The following GARNL3 variants were observed in gnomAD, a reference collection of about 807,000 sequenced individuals.
GARNL3 encodes GTPase activating Rap/RanGAP domain like 3.
Under a neutral mutation model 125.0 loss-of-function variants are expected in GARNL3, and 63 were observed. The observed-to-expected ratio is 0.50, with a 90% CI of 0.41 to 0.62. GARNL3 has a LOEUF of 0.62. Ranked by LOEUF, GARNL3 falls within the 20% of genes least tolerant of loss-of-function variation. GARNL3 has a pLI of 0.00. For synonymous variants in GARNL3, 439 were observed against 457.5 expected, an observed-to-expected ratio of 0.96 and a Z score of 0.52; for missense variants, 994 against 1,244.0, an observed-to-expected ratio of 0.80 and a Z score of 3.02.
intron 17 of GARNL3, among the ~76,000 whole-genome samples, chr9:127,352,235 A>G (rs1487228078): frequency 6.6e-6 from 1 of 152,192 alleles, no homozygotes; most frequent in East Asian, 1.9e-4. Flanking sequence ...GTGACCTCAG[A>G]CAAGTATTAA....
intron 14 of GARNL3, among the ~76,000 whole-genome samples, chr9:127,343,176 G>A (rs1185044754): frequency 1.3e-5 from 2 of 152,070 alleles, no homozygotes; most frequent in Non-Finnish European, 2.9e-5. Context: ...TGGGATTACT[G>A]TCATGAGTCA....
intron 21 of GARNL3, among the ~76,000 whole-genome samples, chr9:127,358,725 T>C (rs1442434458): frequency 1.3e-5 from 2 of 152,206 alleles, no homozygotes; most frequent in African/African-American, 4.8e-5. Flanking sequence ...TTGTCTGCAA[T>C]TGGAGTCATC....
In GARNL3 at chr9:127,264,961, G is replaced by T; in HGVS notation, c.84G>T (p.Ser28=). ...AGCATTTTTGTTCCAGCTCTGTCTC[G>T]GAAGACCTAGGCTGTAGACGTGGGG... is the stretch of plus-strand genomic sequence containing the variant. The part of the protein sequence containing the change: ...LMKHFCSSSV[S]EDLGCRRGDF... Residue 28 remains serine (S), a synonymous_variant, in exon 1 of 28, where the codon TCG becomes TCT. Transcript: ENST00000373387. The T allele has an allele frequency of 6.2e-7, 1 of 1,612,972 alleles. No individual in the cohort carries two copies. Among genetic ancestry groups the T allele is most frequent in the Non-Finnish European group, 8.5e-7 (1 of 1,179,402 alleles).
At chr9:127,338,279 C>A in intron 12 of GARNL3, 118 bp downstream of exon 12, 3 of 825,174 alleles carry the variant, frequency 3.6e-6, no homozygotes, top group Non-Finnish European at 6.1e-6. Context: ...TGAGTGCCTG[C>A]ACCTTACAAA....
At chr9:127,309,377 A>G (rs1215223404) in intron 2 of GARNL3, among the ~76,000 whole-genome samples, 1 of 152,222 alleles carries the variant, frequency 6.6e-6, no homozygotes, top group East Asian at 1.9e-4. Context: ...GAGATAATGC[A>G]TATAAAATGC....
chr9:127,290,862 G>A (rs1017687125), intron 1 of GARNL3, among the ~76,000 whole-genome samples: 2 of 152,212 alleles, frequency 1.3e-5, no homozygotes, highest in African/African-American at 4.8e-5. Context: ...ACTGCCACTT[G>A]TCCACATGTG....
intron 13 of GARNL3, among the ~76,000 whole-genome samples, chr9:127,340,494 T>C (rs1588889571): frequency 1.3e-5 from 2 of 152,026 alleles, no homozygotes; most frequent in African/African-American, 4.8e-5. Flanking sequence ...ATGCCCTCCA[T>C]GAAGATACTG....
At chr9:127,328,774 C>G (rs1829039220) in intron 7 of GARNL3, among the ~76,000 whole-genome samples, 1 of 152,176 alleles carries the variant, frequency 6.6e-6, no homozygotes, top group Admixed American at 6.5e-5. Flanking sequence ...TAATTCATAG[C>G]ATACTACTGA....
At chr9:127,389,267 C>A in intron 26 of GARNL3, 148 bp downstream of exon 26, 1 of 622,028 alleles carries the variant, frequency 1.6e-6, no homozygotes, top group Non-Finnish European at 2.8e-6. Flanking sequence ...TACCTCTATA[C>A]CAAGGAATAC....
chr9:127,313,750 C>CT (rs1229902383), intron 4 of GARNL3, among the ~76,000 whole-genome samples, 191 bp downstream of exon 4: 11 of 149,982 alleles, frequency 7.3e-5, no homozygotes, highest in East Asian at 1.9e-4. Context: ...GTTTTCTGGC[C>CT]TTTTGAAAAA....
At chr9:127,295,777 T>A (rs1278485789) in intron 2 of GARNL3, among the ~76,000 whole-genome samples, 1 of 152,142 alleles carries the variant, frequency 6.6e-6, no homozygotes, top group Non-Finnish European at 1.5e-5. Flanking sequence ...GTCCCCAACC[T>A]TTTTAGCACC....
intron 16 of GARNL3, among the ~76,000 whole-genome samples, chr9:127,348,429 G>C (rs1342693168): frequency 2.6e-5 from 4 of 152,156 alleles, no homozygotes; most frequent in Non-Finnish European, 4.4e-5. Flanking sequence ...TCTTATGTGG[G>C]TCAATAGGCA....
chr9:127,285,523 A>C (rs926572935), intron 1 of GARNL3, among the ~76,000 whole-genome samples: 6 of 152,220 alleles, frequency 3.9e-5, no homozygotes, highest in Non-Finnish European at 7.3e-5. Flanking sequence ...TGTCTATTAA[A>C]TCATGTTTAT....
intron 2 of GARNL3, among the ~76,000 whole-genome samples, chr9:127,307,991 G>T (rs2065002282): frequency 6.6e-6 from 1 of 152,174 alleles, no homozygotes; most frequent in Non-Finnish European, 1.5e-5. Flanking sequence ...TCATGCCATC[G>T]CTGCATGCCC....
At chr9:127,352,656 G>GC (rs1830476751) in intron 17 of GARNL3, among the ~76,000 whole-genome samples, 1 of 152,158 alleles carries the variant, frequency 6.6e-6, no homozygotes, top group Non-Finnish European at 1.5e-5. Flanking sequence ...ACTAAGCTTA[G>GC]CTTAGTCTGT....
chr9:127,247,024 A>G (rs1277546551), intron 2 of GARNL3, among the ~76,000 whole-genome samples: 2 of 150,108 alleles, frequency 1.3e-5, no homozygotes, highest in Non-Finnish European at 3.0e-5. Flanking sequence ...GCAAAGGCAC[A>G]AAGCAGGGAC....
chr9:127,225,070 C>A (rs1166042373), intron 1 of GARNL3, among the ~76,000 whole-genome samples: 1 of 53,952 alleles, frequency 1.9e-5, no homozygotes, highest in Non-Finnish European at 3.5e-5. Context: ...GATCGCGGGG[C>A]GGGGCTTGGG....
Position 127,388,830 on chromosome 9 carries a change from C to T in GARNL3, c.2528-74C>T, listed in dbSNP as rs908410688. ...TCTTCCTTCATGCTATGTTAAGGAA[C>T]AAGAAATTACTCTCTTGTAAATAAT... On this transcript the variant is annotated intron_variant, in intron 25 of 27. Transcript: ENST00000373387. 1.2e-5 allele frequency: 11 copies of T among 929,760 alleles called. No homozygotes were observed. In the Admixed American group the frequency reaches 1.4e-4, roughly 12 times the overall value. 57.6% of individuals were successfully genotyped at this position (929,760 alleles called of 1,614,324 possible). A position where few individuals can be genotyped will look rare whatever the true frequency, so the allele number is the denominator to read the frequency against.
intron 22 of GARNL3, among the ~76,000 whole-genome samples, chr9:127,382,237 T>C (rs1347379883): frequency 6.6e-6 from 1 of 151,848 alleles, no homozygotes; most frequent in Non-Finnish European, 1.5e-5. Context: ...GAGGCAGAGG[T>C]TGCAATGAGC....
Sources: allele counts gnomAD v4.1 joint callset (sites outside exome capture counted in the v4.1 genomes callset), GRCh38; gene constraint gnomAD v4.1.1; transcripts MANE v1.5; gene names NCBI Gene and HGNC (gene_info 2026-07-23, HGNC 2026-07-21).